SLC39A11: variants seen among roughly 807,000 people sequenced by gnomAD.
The protein encoded by SLC39A11 is zinc transporter ZIP11.
A neutral mutation model predicts 36.1 loss-of-function variants in SLC39A11; 33 were observed. The observed-to-expected ratio is 0.91, with a 90% CI of 0.69 to 1.22. The LOEUF (loss-of-function observed/expected upper bound fraction) is 1.22, where lower values mean the gene tolerates loss of function less well. Ranked by LOEUF, SLC39A11 falls within the 50% of genes most tolerant of loss-of-function variation. SLC39A11 has a pLI of 0.00. For synonymous variants in SLC39A11, 166 were observed against 170.3 expected, an observed-to-expected ratio of 0.97 and a Z score of 0.20; for missense variants, 432 against 430.3, an observed-to-expected ratio of 1.00 and a Z score of -0.03.
chr17:72,819,992 G>A (rs568360133), intron 6 of SLC39A11, among the ~76,000 whole-genome samples: 1 of 151,170 alleles, frequency 6.6e-6, no homozygotes, highest in Non-Finnish European at 1.5e-5. Context: ...TTCTTAAGGG[G>A]ACAGGACTCT....
At chr17:73,067,861 T>TGTG (rs922825382) in intron 3 of SLC39A11, 1 of 1,605,086 alleles carries the variant, frequency 6.2e-7, no homozygotes, top group Non-Finnish European at 8.5e-7. Flanking sequence ...TGATTTTCTT[T>TGTG]GTGGTTCATC....
rs1041624923 is a variant in SLC39A11 at position 72,648,838 on chromosome 17, C to T, written c.894G>A (p.Val298=). Residue 298 remains valine, a synonymous_variant, in exon 9 of 10, where the codon GTG becomes GTA. Transcript: ENST00000255559. ...CTTCGGGGATGATGTCGTCCATGAC[C>T]ACGTAGACCATGGCACCGGCAGCAA... ...LAFAAGAMVY[V]VMDDIIPEAQ... 1.9e-6 allele frequency: 3 copies of T among 1,614,164 alleles called. No individual in the cohort carries two copies. Among genetic ancestry groups the T allele is most frequent in the Non-Finnish European group, 2.5e-6 (3 of 1,180,040 alleles).
chr17:72,948,229 T>C (rs1430137809), intron 4 of SLC39A11, among the ~76,000 whole-genome samples: 1 of 149,392 alleles, frequency 6.7e-6, no homozygotes, highest in African/African-American at 2.5e-5. Context: ...GCAAGCGTCA[T>C]CGCCTCACAC....
At chr17:72,900,041 AGAG>A (rs2146901994) in intron 5 of SLC39A11, among the ~76,000 whole-genome samples, 2 of 146,734 alleles carry the variant, frequency 1.4e-5, no homozygotes, top group African/African-American at 5.1e-5. Flanking sequence ...AGAGAAAGAG[AGAG>A]AGAAAGAGAA....
chr17:73,028,842 G>T (rs2058648640), intron 4 of SLC39A11, among the ~76,000 whole-genome samples: 1 of 151,204 alleles, frequency 6.6e-6, no homozygotes. Flanking sequence ...CTGCAGCCGG[G>T]CACGGTGGCT....
intron 4 of SLC39A11, among the ~76,000 whole-genome samples, chr17:73,021,058 C>CTGG (rs1209306881): frequency 1.3e-5 from 2 of 152,128 alleles, no homozygotes; most frequent in African/African-American, 4.8e-5. Context: ...AACTACATCT[C>CTGG]TACCCCCAAA....
chr17:72,826,741 G>A (rs373688979), intron 6 of SLC39A11, among the ~76,000 whole-genome samples: 12 of 152,244 alleles, frequency 7.9e-5, no homozygotes, highest in Middle Eastern at 3.4e-3. Context: ...TGATAAACAC[G>A]TGAAGAATGC....
chr17:72,845,935 G>A (rs936807456), intron 6 of SLC39A11, among the ~76,000 whole-genome samples: 4 of 150,860 alleles, frequency 2.7e-5, no homozygotes, highest in South Asian at 2.1e-4. Context: ...TTTTTGAGAC[G>A]GAGTCTCGCT....
intron 7 of SLC39A11, among the ~76,000 whole-genome samples, chr17:72,707,174 A>G (rs1193701429): frequency 6.6e-6 from 1 of 152,196 alleles, no homozygotes; most frequent in Non-Finnish European, 1.5e-5. Context: ...CTGAAGCAGG[A>G]GGACTGCTTG....
intron 7 of SLC39A11, among the ~76,000 whole-genome samples, chr17:72,718,737 G>C (rs2073518907): frequency 1.3e-5 from 2 of 152,170 alleles, no homozygotes; most frequent in Admixed American, 6.5e-5. Context: ...GACACAGCCT[G>C]CTTCTGTAAA....
chr17:72,754,045 TACACATACACACACACAC>T (rs2075273944), intron 6 of SLC39A11, among the ~76,000 whole-genome samples: 2 of 53,270 alleles, frequency 3.8e-5, no homozygotes, highest in South Asian at 4.8e-4. Context: ...TATATATATA[TACACATACACACACACAC>T]ACACACACAC....
chr17:73,090,091 C>A (rs569964773), intron 1 of SLC39A11, among the ~76,000 whole-genome samples: 27 of 152,314 alleles, frequency 1.8e-4, no homozygotes, highest in African/African-American at 5.5e-4. Context: ...CTCAGCCCTG[C>A]CAGTTCCCGG....
intron 5 of SLC39A11, among the ~76,000 whole-genome samples, chr17:72,853,492 A>G (rs2079479410): frequency 6.6e-6 from 1 of 152,096 alleles, no homozygotes; most frequent in Non-Finnish European, 1.5e-5. Context: ...GATACCGCAC[A>G]GAGAGCAACA....
intron 5 of SLC39A11, among the ~76,000 whole-genome samples, chr17:72,851,707 C>T (rs1193893817): frequency 2.0e-5 from 3 of 152,158 alleles, no homozygotes; most frequent in Admixed American, 6.5e-5. Context: ...CAACCAGAGG[C>T]AGCCAACTGA....
At chr17:72,861,153 A>C (rs1192574345) in intron 5 of SLC39A11, among the ~76,000 whole-genome samples, 1 of 152,252 alleles carries the variant, frequency 6.6e-6, no homozygotes, top group South Asian at 2.1e-4. Flanking sequence ...AAATTAGATT[A>C]TGATAAGATT....
At chr17:72,947,724 A>G (rs1409028196) in intron 5 of SLC39A11, 28 bp downstream of exon 5, 1 of 1,613,106 alleles carries the variant, frequency 6.2e-7, no homozygotes, top group African/African-American at 1.3e-5. Context: ...TGCAGCAAAG[A>G]GCTTGCCTGA....
At chr17:72,905,958 T>A (rs1029438828) in intron 5 of SLC39A11, among the ~76,000 whole-genome samples, 6 of 152,114 alleles carry the variant, frequency 3.9e-5, no homozygotes, top group African/African-American at 1.4e-4. Context: ...TTTCACTGTG[T>A]TAGCCAGGAT....
chr17:72,991,685 C>G (rs903941069), intron 4 of SLC39A11, among the ~76,000 whole-genome samples: 2 of 152,190 alleles, frequency 1.3e-5, no homozygotes, highest in African/African-American at 4.8e-5. Flanking sequence ...TAAATGGCTA[C>G]TTAGCCATGC....
chr17:72,795,214 T>C (rs997230028), intron 6 of SLC39A11, among the ~76,000 whole-genome samples: 2 of 152,072 alleles, frequency 1.3e-5, no homozygotes, highest in African/African-American at 4.8e-5. Context: ...TGGATGGCCC[T>C]GGCTCGGGGT....
Sources: allele counts gnomAD v4.1 joint callset (sites outside exome capture counted in the v4.1 genomes callset), GRCh38; gene constraint gnomAD v4.1.1; transcripts MANE v1.5; gene names NCBI Gene and HGNC (gene_info 2026-07-23, HGNC 2026-07-21).